The following C4orf51 variants were observed in gnomAD, a reference collection of about 807,000 sequenced individuals.
C4orf51 encodes the protein chromosome 4 open reading frame 51.
A neutral mutation model predicts 25.2 loss-of-function variants in C4orf51; 25 were observed. That is an observed-to-expected ratio of 0.99 (90% CI 0.72 to 1.39). The LOEUF (loss-of-function observed/expected upper bound fraction) is 1.39, where lower values mean the gene tolerates loss of function less well. C4orf51 is among the 40% of genes most tolerant of loss of function. The pLI is 0.00. For synonymous variants in C4orf51, 100 were observed against 84.5 expected, an observed-to-expected ratio of 1.18 and a Z score of -1.01; for missense variants, 252 against 239.6, an observed-to-expected ratio of 1.05 and a Z score of -0.34.
At chr4:145,787,600 C>T in the C4orf51 span, among the ~76,000 whole-genome samples, 26 of 151,956 alleles carry the variant, frequency 1.7e-4, no homozygotes, top group African/African-American at 6.0e-4. Flanking sequence ...CAATGCTTAA[C>T]AAACTTAGTA....
At chr4:145,686,062 A>G (rs1328242769) in intron 1 of C4orf51, among the ~76,000 whole-genome samples, 1 of 152,236 alleles carries the variant, frequency 6.6e-6, no homozygotes, top group East Asian at 1.9e-4. Flanking sequence ...GTACATACAT[A>G]CAATGGAATA....
At chr4:145,681,551 T>A (rs1264021411) in intron 1 of C4orf51, among the ~76,000 whole-genome samples, 1 of 152,184 alleles carries the variant, frequency 6.6e-6, no homozygotes. Flanking sequence ...GGCCAGGTAG[T>A]GAAGTTGTCT....
downstream of C4orf51, among the ~76,000 whole-genome samples, chr4:145,773,984 G>A (rs185369101): frequency 2.6e-5 from 4 of 152,244 alleles, no homozygotes; most frequent in Admixed American, 6.5e-5. Context: ...ACTGTTCTGG[G>A]CTGAGTTTCA....
the C4orf51 span, among the ~76,000 whole-genome samples, chr4:145,777,037 C>T: frequency 1.3e-5 from 2 of 152,204 alleles, no homozygotes; most frequent in Non-Finnish European, 2.9e-5. Context: ...TTAATGCTTA[C>T]TTGGTATTAC....
intron 1 of C4orf51, among the ~76,000 whole-genome samples, chr4:145,743,070 A>G (rs577065254): frequency 6.6e-6 from 1 of 152,304 alleles, no homozygotes; most frequent in South Asian, 2.1e-4. Context: ...AGGTTAGGTA[A>G]GTTGGAGGAT....
At chr4:145,712,531 C>T (rs557816055) in intron 2 of C4orf51, among the ~76,000 whole-genome samples, 5 of 152,306 alleles carry the variant, frequency 3.3e-5, no homozygotes, top group East Asian at 1.9e-4. Flanking sequence ...GAGAAAGGCC[C>T]TAACTCTCTT....
chr4:145,702,863 C>G (rs1280938246), intron 2 of C4orf51, among the ~76,000 whole-genome samples: 1 of 129,234 alleles, frequency 7.7e-6, no homozygotes, highest in African/African-American at 2.9e-5. Context: ...CACAATATCA[C>G]CCCTTACCAC....
rs2126771832 is a variant in C4orf51, at chr4:145,730,047, G to T, written c.501+82G>T. On this transcript the variant is annotated intron_variant, in intron 5 of 5. Coordinates refer to ENST00000438731, the MANE Select transcript of C4orf51 (RefSeq NM_001080531.3). ...GGGTTCTGAGTGTCTCTACATGGCAGCAGGGGTGGTGGCCTGTGTATGTTT... is the reference window on the plus strand; with the variant it reads ...GGGTTCTGAGTGTCTCTACATGGCATCAGGGGTGGTGGCCTGTGTATGTTT... 3.4e-6 allele frequency: 4 copies of T among 1,161,808 alleles called. No homozygotes were observed. In the East Asian group the frequency reaches 7.0e-5, roughly 20 times the overall value. The allele number at this position is 1,161,808 out of a possible 1,614,324, so 72.0% of individuals were successfully genotyped here. A position where few individuals can be genotyped will look rare whatever the true frequency, so the allele number is the denominator to read the frequency against.
At chr4:145,691,556 T>C (rs1354632525) in intron 1 of C4orf51, among the ~76,000 whole-genome samples, 1 of 152,148 alleles carries the variant, frequency 6.6e-6, no homozygotes, top group Non-Finnish European at 1.5e-5. Flanking sequence ...TGCTGATTAG[T>C]GGTGGATTGG....
the C4orf51 span, among the ~76,000 whole-genome samples, chr4:145,792,378 AAAAAAAAAG>A: frequency 4.6e-5 from 7 of 152,002 alleles, no homozygotes; most frequent in African/African-American, 1.7e-4. Context: ...GTCATAAGAA[AAAAAAAAAG>A]AAAAAAAAGA....
At chr4:145,779,655 G>T in the C4orf51 span, 1 of 1,181,386 alleles carries the variant, frequency 8.5e-7, no homozygotes, top group African/African-American at 1.6e-5. Flanking sequence ...TGGTTTTCCT[G>T]CTCATTTCCT....
At chr4:145,755,636 C>T (rs901013682), downstream of C4orf51, among the ~76,000 whole-genome samples, 3 of 152,190 alleles carry the variant, frequency 2.0e-5, no homozygotes, top group Non-Finnish European at 4.4e-5. Flanking sequence ...AATAACCCTT[C>T]AGATGTTGTA....
At chr4:145,684,486 A>T (rs537700432) in intron 1 of C4orf51, among the ~76,000 whole-genome samples, 6 of 152,214 alleles carry the variant, frequency 3.9e-5, no homozygotes, top group Non-Finnish European at 5.9e-5. Flanking sequence ...TGTCTCAAAC[A>T]AAAAATAAAA....
intron 1 of C4orf51, among the ~76,000 whole-genome samples, chr4:145,741,642 C>T (rs7690184): frequency 6.6e-6 from 1 of 152,046 alleles, no homozygotes; most frequent in African/African-American, 2.4e-5. Flanking sequence ...AGAAGGAAAG[C>T]TTTGGGGTCT....
At chr4:145,779,957 G>C in the C4orf51 span, among the ~76,000 whole-genome samples, 1 of 152,244 alleles carries the variant, frequency 6.6e-6, no homozygotes, top group Admixed American at 6.5e-5. Context: ...TTGGGAGGCT[G>C]AGGCGAGTAG....
chr4:145,730,118 C>T (rs982306906), intron 5 of C4orf51, among the ~76,000 whole-genome samples, 153 bp downstream of exon 5: 20 of 152,250 alleles, frequency 1.3e-4, no homozygotes, highest in African/African-American at 4.1e-4. Context: ...AGGCAAAAAG[C>T]GGAGCTGTTC....
rs1318495077 is a variant in C4orf51 at position 145,761,143 on chromosome 4, T to G, written n.167-9845T>G. 1.6e-6 allele frequency: 2 copies of G among 1,289,770 alleles called. No individual in the cohort carries two copies. The highest frequency in any genetic ancestry group is 2.0e-6 in the Non-Finnish European group (2 of 988,814). The allele number at this position is 1,289,770 out of a possible 1,614,324, so 79.9% of individuals were successfully genotyped here. ...GAGCGGGGCCCCCGGGCCGGCCGGT[T>G]CCTTGGGGGCTGGACACAGGCCCTT... On this transcript the variant is annotated intron_variant and non_coding_transcript_variant, in intron 1 of 1. Transcript: ENST00000510096. This position sits in a 1 kb window ranked among gnomAD's most constrained non-coding sequence, Gnocchi z 6.8.
chr4:145,762,308 C>T lies in C4orf51; in HGVS notation n.167-8680C>T, dbSNP rs540093279. Among the ~76,000 whole-genome samples, 2 of 152,224 alleles carry T rather than the reference C, an allele frequency of 1.3e-5. No individual in the cohort carries two copies. Among genetic ancestry groups the T allele is most frequent in the South Asian group, 2.1e-4 (1 of 4,820 alleles). ...GGCATGGGAGGAGAAGGAAGCCCAC[C>T]CAACGGCCCATCTGCTAATGAGGAA... On this transcript the variant is annotated intron_variant and non_coding_transcript_variant, in intron 1 of 1. Transcript: ENST00000510096. This position sits in a 1 kb window ranked among gnomAD's most constrained non-coding sequence, Gnocchi z 4.9.
chr4:145,688,216 A>G (rs962093793), intron 1 of C4orf51, among the ~76,000 whole-genome samples: 1 of 151,576 alleles, frequency 6.6e-6, no homozygotes, highest in African/African-American at 2.4e-5. Context: ...AAAAAAAAAA[A>G]AAAAGCACCT....
Sources: gnomAD v4.1 joint callset for allele counts (sites outside exome capture counted in the v4.1 genomes callset) on GRCh38, gnomAD v4.1.1 for gene constraint, Gnocchi (gnomAD v3.1) non-coding constraint, MANE v1.5 for transcripts, NCBI Gene and HGNC (gene_info 2026-07-23, HGNC 2026-07-21) for gene names.